OSMR: variants seen among roughly 807,000 people sequenced by gnomAD.
OSMR encodes the protein oncostatin-M-specific receptor subunit beta.
OSMR carries 81 observed loss-of-function variants against 99.9 expected under a neutral mutation model. That is an observed-to-expected ratio of 0.81 (90% CI 0.68 to 0.97). The LOEUF is 0.97. OSMR is among the 50% of genes least tolerant of loss of function. The pLI is 0.00. For synonymous variants in OSMR, 406 were observed against 410.4 expected (o/e 0.99, Z 0.13); for missense variants, 1,099 against 1,153.4 (o/e 0.95, Z 0.68).
intron 3 of OSMR, among the ~76,000 whole-genome samples, chr5:38,880,436 GA>G (rs1421000841): frequency 1.3e-5 from 2 of 152,176 alleles, no homozygotes; most frequent in Non-Finnish European, 2.9e-5. Flanking sequence ...AGCTTTGGGG[GA>G]CATGAAGAAG....
At chr5:38,931,642 G>A (rs888267416) in intron 15 of OSMR, 42 of 231,218 alleles carry the variant, frequency 1.8e-4, no homozygotes, top group African/African-American at 9.1e-4. Flanking sequence ...TCTATCAGAA[G>A]AGATAGATAG....
chr5:38,921,562 A>C (rs1746234345), intron 11 of OSMR, 53 bp from the exon 12 acceptor site: 2 of 1,612,646 alleles, frequency 1.2e-6, no homozygotes, highest in East Asian at 2.2e-5. Context: ...ACACACTTAA[A>C]ACAATTTACA....
chr5:38,917,587 G>GA lies in OSMR; in HGVS notation c.1328dup (p.Pro444AlafsTer26), dbSNP rs747929472. The GA allele has an allele frequency of 1.2e-6, 2 of 1,613,590 alleles. No homozygotes were observed. On this transcript the variant is annotated frameshift_variant, in exon 10 of 18. Coordinates refer to ENST00000274276, the MANE Select transcript of OSMR (RefSeq NM_003999.3). LOFTEE classifies it high-confidence loss of function. ...TGATGTCTGGAGAATTGTGAGCTTG[G>GA]AGCCAGGAAATCATACTGTGACCTT...
chr5:38,868,134 CT>C (rs923185220), intron 1 of OSMR, among the ~76,000 whole-genome samples: 7 of 152,330 alleles, frequency 4.6e-5, no homozygotes, highest in Admixed American at 4.6e-4. Context: ...TCTGCTTGAC[CT>C]TTCTTTACCA....
At chr5:38,939,290 TAA>T (rs1435685733), downstream of OSMR, 1 of 232,476 alleles carries the variant, frequency 4.3e-6, no homozygotes, top group South Asian at 1.8e-4. Context: ...AAGCTCTAGA[TAA>T]AAGAGCTGAA....
At chr5:38,900,564 A>G (rs1301717148) in intron 7 of OSMR, among the ~76,000 whole-genome samples, 1 of 152,208 alleles carries the variant, frequency 6.6e-6, no homozygotes, top group Non-Finnish European at 1.5e-5. Flanking sequence ...AGAAAATGAT[A>G]TATATTCAGG....
intron 8 of OSMR, 93 bp from the exon 9 acceptor site, chr5:38,904,260 G>GT: frequency 6.5e-7 from 1 of 1,549,152 alleles, no homozygotes; most frequent in Non-Finnish European, 8.7e-7. Flanking sequence ...GATTTGCTGT[G>GT]CTCTGGTTTG....
intron 15 of OSMR, among the ~76,000 whole-genome samples, chr5:38,927,399 T>C (rs11738484): frequency 0.16 from 24,405 of 152,196 alleles, 2,487 homozygotes; most frequent in Admixed American, 0.24. Context: ...GGCATTTCCA[T>C]ATGTCCTCTG....
At chr5:38,905,900 AT>A (rs1745199616) in intron 9 of OSMR, among the ~76,000 whole-genome samples, 1 of 152,172 alleles carries the variant, frequency 6.6e-6, no homozygotes. Context: ...TGGGAGGACC[AT>A]TTTAAAGCAG....
At chr5:38,893,950 G>A (rs906230114) in intron 7 of OSMR, among the ~76,000 whole-genome samples, 12 of 152,052 alleles carry the variant, frequency 7.9e-5, no homozygotes, top group African/African-American at 2.9e-4. Flanking sequence ...ACATACAAAG[G>A]GACCCCCATC....
chr5:38,854,316 A>G (rs1321359478), intron 1 of OSMR, among the ~76,000 whole-genome samples: 1 of 152,188 alleles, frequency 6.6e-6, no homozygotes, highest in Non-Finnish European at 1.5e-5. Context: ...TGGTGAGGAA[A>G]CTTCCCAGGA....
intron 1 of OSMR, among the ~76,000 whole-genome samples, chr5:38,863,531 G>A (rs560252822): frequency 1.1e-3 from 160 of 152,028 alleles, no homozygotes; most frequent in Non-Finnish European, 2.9e-4. Context: ...GCAAGACTTT[G>A]TTTCAAAGAA....
chr5:38,863,391 G>A (rs1741669195), intron 1 of OSMR, among the ~76,000 whole-genome samples: 1 of 151,700 alleles, frequency 6.6e-6, no homozygotes, highest in South Asian at 2.1e-4. Context: ...ACAAAAATTA[G>A]CTGGGCATGG....
At chr5:38,941,290 C>G (rs1186372602) in intron 1 of OSMR, 1 of 231,802 alleles carries the variant, frequency 4.3e-6, no homozygotes, top group East Asian at 6.1e-5. Context: ...TAAGGCTTTT[C>G]ACTACAATTT....
intron 2 of OSMR, among the ~76,000 whole-genome samples, chr5:38,871,980 C>G (rs1226550397): frequency 6.6e-6 from 1 of 152,068 alleles, no homozygotes; most frequent in African/African-American, 2.4e-5. Flanking sequence ...GTCTGATTCC[C>G]AAACCTGGCC....
At chr5:38,910,842 C>T (rs141873286) in intron 9 of OSMR, among the ~76,000 whole-genome samples, 92 of 152,220 alleles carry the variant, frequency 6.0e-4, no homozygotes, top group African/African-American at 2.0e-3. Context: ...AACCCCATCT[C>T]TACTAAAAAA....
intron 2 of OSMR, among the ~76,000 whole-genome samples, chr5:38,874,245 T>C (rs952672800): frequency 6.6e-6 from 1 of 152,174 alleles, no homozygotes; most frequent in Admixed American, 6.5e-5. Context: ...GTTGTTGTTG[T>C]TGTTGTTGCT....
In OSMR at chr5:38,876,517, A is replaced by G. The variant is rs566962353; in HGVS notation, c.246+144A>G. ...TTTGTCTAAACAATTACATTTCTGC[A>G]TTTTCTGTTAATGATCCAGGACAAA... On this transcript the variant is annotated intron_variant, in intron 3 of 17. Transcript: ENST00000274276. The G allele has an allele frequency of 2.1e-4, 151 of 709,718 alleles. No individual in the cohort carries two copies. In the African/African-American group the frequency reaches 2.6e-3, roughly 12 times the overall value. 44.0% of individuals were successfully genotyped at this position (709,718 alleles called of 1,614,324 possible).
chr5:38,923,656 T>C (rs1177154857), intron 13 of OSMR, among the ~76,000 whole-genome samples: 2 of 152,156 alleles, frequency 1.3e-5, no homozygotes, highest in African/African-American at 4.8e-5. Context: ...AATCACCCCC[T>C]AGAAATGTTA....
Sources: allele counts gnomAD v4.1 joint callset (sites outside exome capture counted in the v4.1 genomes callset), GRCh38; gene constraint gnomAD v4.1.1; transcripts MANE v1.5; gene names NCBI Gene and HGNC (gene_info 2026-07-23, HGNC 2026-07-21).